RTTN: variants seen among roughly 807,000 people sequenced by gnomAD.
The protein encoded by RTTN is rotatin.
A neutral mutation model predicts 269.2 loss-of-function variants in RTTN; 182 were observed. That is an observed-to-expected ratio of 0.68 (90% CI 0.60 to 0.76). RTTN has a LOEUF of 0.76. Ranked by LOEUF, RTTN falls within the 30% of genes least tolerant of loss-of-function variation. The probability of loss-of-function intolerance (pLI) is 0.00; values close to 1 mark genes in which losing one functional copy is unlikely to be tolerated. For missense variants in RTTN, 2,545 were observed against 2,608.6 expected (o/e 0.98, Z 0.53); for synonymous variants, 1,006 against 963.5 (o/e 1.04, Z -0.82).
At chr18:70,165,621 T>G (rs1017793805) in intron 14 of RTTN, among the ~76,000 whole-genome samples, 2 of 151,996 alleles carry the variant, frequency 1.3e-5, no homozygotes, top group African/African-American at 2.4e-5. Flanking sequence ...ATATTTAATA[T>G]TCTATGCTGA....
intron 27 of RTTN, among the ~76,000 whole-genome samples, chr18:70,110,535 G>A (rs1441951158): frequency 1.3e-5 from 2 of 152,136 alleles, no homozygotes; most frequent in South Asian, 2.1e-4. Context: ...CAGATACTGC[G>A]CTTGTCCCAC....
At chr18:70,098,240 C>A (rs2059056686) in intron 28 of RTTN, among the ~76,000 whole-genome samples, 1 of 152,090 alleles carries the variant, frequency 6.6e-6, no homozygotes, top group African/African-American at 2.4e-5. Flanking sequence ...CACTAAATGC[C>A]TCCATCAAAA....
At chr18:70,159,768 A>T (rs1176824025) in intron 14 of RTTN, among the ~76,000 whole-genome samples, 5 of 152,142 alleles carry the variant, frequency 3.3e-5, no homozygotes, top group African/African-American at 4.8e-5. Context: ...CCCCACAGAA[A>T]GACCCTCAGA....
intron 14 of RTTN, among the ~76,000 whole-genome samples, chr18:70,163,841 A>C (rs548959238): frequency 6.6e-6 from 1 of 152,176 alleles, no homozygotes; most frequent in Non-Finnish European, 1.5e-5. Flanking sequence ...GATTTTCAGA[A>C]TTGGAGTGTT....
intron 14 of RTTN, 143 bp downstream of exon 14, chr18:70,165,919 T>C (rs1256931245): frequency 3.6e-5 from 24 of 662,606 alleles, no homozygotes; most frequent in Non-Finnish European, 4.8e-5. Flanking sequence ...TTTTCCAGAA[T>C]TGACTAGTAA....
chr18:70,064,398 G>C (rs916833781), intron 35 of RTTN, among the ~76,000 whole-genome samples: 2 of 146,424 alleles, frequency 1.4e-5, no homozygotes, highest in Admixed American at 1.4e-4. Context: ...TAAAATCAAA[G>C]GTAATCCAAA....
intron 14 of RTTN, among the ~76,000 whole-genome samples, chr18:70,156,621 G>C (rs2060683854): frequency 6.6e-6 from 1 of 152,112 alleles, no homozygotes; most frequent in Admixed American, 6.5e-5. Context: ...AAAACTTGCT[G>C]GTTTTGCAGC....
At chr18:70,029,163 CAAAA>C (rs35814962) in intron 42 of RTTN, among the ~76,000 whole-genome samples, 11 of 112,748 alleles carry the variant, frequency 9.8e-5, no homozygotes, top group South Asian at 2.9e-4. Context: ...GGAAAAGAGG[CAAAA>C]AAAAAAAAAA....
chr18:70,138,271 T>G (rs1288976103), intron 21 of RTTN: 5 of 152,134 alleles, frequency 3.3e-5, no homozygotes, highest in Non-Finnish European at 5.9e-5. Context: ...AAGAGTGAAA[T>G]TCTTTCTCAA....
intron 29 of RTTN, 74 bp from the exon 30 acceptor site, chr18:70,092,294 G>T: frequency 1.1e-6 from 1 of 944,170 alleles, no homozygotes; most frequent in Non-Finnish European, 1.6e-6. Flanking sequence ...GTTAAAACAA[G>T]AATTTTTAAT....
At chr18:70,018,826 C>CTT (rs5825984) in intron 45 of RTTN, among the ~76,000 whole-genome samples, 22 of 48,948 alleles carry the variant, frequency 4.5e-4, no homozygotes, top group Admixed American at 6.1e-4. Context: ...GTGGGCACTC[C>CTT]TTTTTTTTTT....
At chr18:70,098,768 T>C (rs1368467611) in intron 28 of RTTN, among the ~76,000 whole-genome samples, 1 of 152,190 alleles carries the variant, frequency 6.6e-6, no homozygotes, top group East Asian at 1.9e-4. Context: ...ATATTAGGTA[T>C]ATCTCCTGAT....
At chr18:70,118,947 C>A (rs1406683395) in intron 26 of RTTN, among the ~76,000 whole-genome samples, 1 of 151,886 alleles carries the variant, frequency 6.6e-6, no homozygotes, top group Non-Finnish European at 1.5e-5. Context: ...CAATAAAGGC[C>A]ATATATGAAA....
intron 11 of RTTN, among the ~76,000 whole-genome samples, chr18:70,171,528 C>T (rs559682559): frequency 6.6e-6 from 1 of 152,302 alleles, no homozygotes; most frequent in East Asian, 1.9e-4. Context: ...CAACTCAAAG[C>T]CCCATGCTAA....
At position 70,004,039 on chromosome 18, in the gene RTTN, A is replaced by G; in HGVS notation, c.*112T>C. ...TCTCATGGGAAAGAAGGGGATCAAC[A>G]CTTTGTAGAGAGGTAGCACGTCTTC... On this transcript the variant is annotated 3_prime_UTR_variant, in exon 49 of 49. Transcript: ENST00000640769. 1.4e-6 allele frequency: 1 copy of G among 736,166 alleles called. No homozygotes were observed. The highest frequency in any genetic ancestry group is 1.7e-5 in the South Asian group (1 of 59,584). The allele number at this position is 736,166 out of a possible 1,614,324, so 45.6% of individuals were successfully genotyped here. A position where few individuals can be genotyped will look rare whatever the true frequency, so the allele number is the denominator to read the frequency against.
At position 70,006,500 on chromosome 18, in the gene RTTN, T is replaced by G; in HGVS notation, c.6422-16A>C. The stretch of plus-strand genomic sequence containing the variant: ...ATGACTTTTTCTAAAAATGAACATA[T>G]ATTTTTTAAAAGTTCAGTCCCAGAC... On this transcript the variant is annotated splice_polypyrimidine_tract_variant and intron_variant, in intron 46 of 48. Transcript: ENST00000640769. 1 of 1,597,628 alleles carries G rather than the reference T, an allele frequency of 6.3e-7. No individual in the cohort carries two copies. The highest frequency in any genetic ancestry group is 8.6e-7 in the Non-Finnish European group (1 of 1,165,118).
Position 70,088,091 on chromosome 18 carries a change from A to G in RTTN, c.4200T>C (p.Cys1400=). 6.2e-7 allele frequency: 1 copy of G among 1,613,986 alleles called. No individual in the cohort carries two copies. Among genetic ancestry groups the G allele is most frequent in the East Asian group, 2.2e-5 (1 of 44,874 alleles). ...GSALTTLETG[C]VALANSCQNI... is the part of the protein sequence containing the mutation. ...TCTGACAACTGTTTGCTAAGGCCAC[A>G]CAGCCCGTTTCAAGGGTGGTCAGTG... Residue 1400 remains cysteine (C), a synonymous_variant, in exon 31 of 49, where the codon TGT becomes TGC. Coordinates refer to ENST00000640769, the MANE Select transcript of RTTN (RefSeq NM_173630.4).
chr18:70,006,253 G>A (rs2056182582), intron 47 of RTTN, 128 bp downstream of exon 47: 1 of 634,772 alleles, frequency 1.6e-6, no homozygotes, highest in Admixed American at 2.9e-5. Context: ...AAGGGAACAT[G>A]GATCTTTGAT....
chr18:70,020,838 C>T, intron 44 of RTTN, 21 bp from the exon 45 acceptor site: 1 of 1,589,968 alleles, frequency 6.3e-7, no homozygotes, highest in Non-Finnish European at 8.6e-7. Flanking sequence ...AACAGCCTAT[C>T]ACAATGTCTT....
Sources: allele counts gnomAD v4.1 joint callset (sites outside exome capture counted in the v4.1 genomes callset), GRCh38; gene constraint gnomAD v4.1.1; transcripts MANE v1.5; gene names NCBI Gene and HGNC (gene_info 2026-07-23, HGNC 2026-07-21).